The following KIN variants were observed in gnomAD, a reference collection of about 807,000 sequenced individuals.
KIN encodes the protein Kin17 DNA and RNA binding protein.
Under a neutral mutation model 63.0 loss-of-function variants are expected in KIN, and 47 were observed. The ratio of observed to expected loss-of-function variants is 0.75; its 90% CI spans 0.59 to 0.95. KIN has a LOEUF of 0.95. Ranked by LOEUF, KIN falls within the 40% of genes least tolerant of loss-of-function variation. The pLI is 0.00. For synonymous variants in KIN, 160 were observed against 157.7 expected, an observed-to-expected ratio of 1.01 and a Z score of -0.11; for missense variants, 408 against 460.9, an observed-to-expected ratio of 0.89 and a Z score of 1.05.
intron 12 of KIN, among the ~76,000 whole-genome samples, chr10:7,756,668 C>G (rs934894673): frequency 6.6e-6 from 1 of 152,118 alleles, no homozygotes. Flanking sequence ...TCAAAAATAC[C>G]CATTTGGGGT....
intron 8 of KIN, among the ~76,000 whole-genome samples, chr10:7,766,638 C>A (rs978565228): frequency 6.6e-6 from 1 of 151,850 alleles, no homozygotes; most frequent in African/African-American, 2.4e-5. Context: ...GCGAAAATAT[C>A]GAATCTTTTT....
chr10:7,776,560 G>A (rs575805811), intron 5 of KIN, among the ~76,000 whole-genome samples: 6 of 150,652 alleles, frequency 4.0e-5, no homozygotes, highest in South Asian at 4.2e-4. Context: ...GTGAAACCCC[G>A]TCTCTACTAA....
intron 1 of KIN, among the ~76,000 whole-genome samples, chr10:7,784,644 C>T (rs1484704897): frequency 6.6e-6 from 1 of 151,926 alleles, no homozygotes; most frequent in Non-Finnish European, 1.5e-5. Flanking sequence ...TGAGCAAAAG[C>T]TCATTTGTAC....
intron 1 of KIN, among the ~76,000 whole-genome samples, chr10:7,784,322 C>G (rs1213034632): frequency 6.6e-6 from 1 of 152,192 alleles, no homozygotes; most frequent in Non-Finnish European, 1.5e-5. Context: ...GTGGCTCATG[C>G]CTGTAATCCC....
intron 8 of KIN, among the ~76,000 whole-genome samples, chr10:7,767,617 G>T (rs1316966473): frequency 1.3e-5 from 2 of 152,130 alleles, no homozygotes; most frequent in East Asian, 1.9e-4. Context: ...CAGGACTTTG[G>T]GAGGCCGAAG....
chr10:7,757,995 CA>C (rs1247432206), intron 12 of KIN, among the ~76,000 whole-genome samples: 1 of 137,958 alleles, frequency 7.2e-6, no homozygotes, highest in Admixed American at 7.6e-5. Flanking sequence ...AGTGATGACA[CA>C]AGCATATACA....
At chr10:7,760,696 GTTA>G (rs1423302849) in intron 11 of KIN, among the ~76,000 whole-genome samples, 3 of 152,072 alleles carry the variant, frequency 2.0e-5, no homozygotes, top group Non-Finnish European at 2.9e-5. Flanking sequence ...TTTATTATTA[GTTA>G]TTATTCTCAA....
intron 12 of KIN, among the ~76,000 whole-genome samples, chr10:7,758,339 G>A (rs1320498015): frequency 6.6e-6 from 1 of 152,108 alleles, no homozygotes; most frequent in Non-Finnish European, 1.5e-5. Flanking sequence ...CAAAGTGCTG[G>A]AATTACAGGC....
intron 4 of KIN, 23 bp from the exon 5 acceptor site, chr10:7,779,042 T>C (rs1305970099): frequency 6.3e-7 from 1 of 1,597,834 alleles, no homozygotes; most frequent in South Asian, 1.1e-5. Context: ...GCCACTGCCA[T>C]AAATTAGCAT....
At position 7,774,842 on chromosome 10, in the gene KIN, A is replaced by G; in HGVS notation, c.657T>C (p.Ser219=). The change falls in exon 7 of 13, where the codon TCT becomes TCC. Residue 219 remains serine (S), a synonymous_variant. Transcript: ENST00000379562. Reference sequence around the variant, plus strand: ...ATGATGCAGCTCACCTTGACTTGGAAGATGTTGCTCCGGATGAGCTACATG... The same window carrying G: ...ATGATGCAGCTCACCTTGACTTGGAGGATGTTGCTCCGGATGAGCTACATG... ...KGACSSSGAT[S]SKSSTLGPSA... is the part of the protein sequence containing the mutation. 6.2e-7 allele frequency: 1 copy of G among 1,612,976 alleles called. No individual in the cohort carries two copies. Among genetic ancestry groups the G allele is most frequent in the Non-Finnish European group, 8.5e-7 (1 of 1,179,030 alleles).
In KIN at chr10:7,753,876, A is replaced by G. The variant is rs1835280913; in HGVS notation, c.*2204T>C. 3.2e-6 allele frequency: 1 copy of G among 315,352 alleles called. No individual in the cohort carries two copies. Among genetic ancestry groups the G allele is most frequent in the Admixed American group, 4.1e-5 (1 of 24,674 alleles). The allele number at this position is 315,352 out of a possible 1,614,324, so 19.5% of individuals were successfully genotyped here. A position where few individuals can be genotyped will look rare whatever the true frequency, so the allele number is the denominator to read the frequency against. ...TTCTGCTAACAGCATACGTTCTCCC[A>G]TCTTCTGAGAATAGAAGCAATCAGC... On this transcript the variant is annotated 3_prime_UTR_variant, in exon 13 of 13. Coordinates refer to ENST00000379562, the MANE Select transcript of KIN (RefSeq NM_012311.4).
At chr10:7,762,376 T>C (rs1835452211) in intron 11 of KIN, 81 bp downstream of exon 11, 3 of 714,322 alleles carry the variant, frequency 4.2e-6, no homozygotes, top group East Asian at 5.6e-5. Context: ...AACCAACAAG[T>C]ACTGTCAAAA....
intron 1 of KIN, among the ~76,000 whole-genome samples, chr10:7,786,150 G>A (rs767416631): frequency 6.6e-5 from 10 of 152,122 alleles, no homozygotes; most frequent in Non-Finnish European, 1.0e-4. Context: ...AGAGGGGAGC[G>A]GAGGTCCTAA....
chr10:7,758,015 T>TA (rs1226769731), intron 12 of KIN, among the ~76,000 whole-genome samples: 1 of 151,236 alleles, frequency 6.6e-6, no homozygotes, highest in African/African-American at 2.4e-5. Context: ...CAGAGATTTT[T>TA]TTTTTTTTTT....
At chr10:7,784,744 G>A (rs1165821804) in intron 1 of KIN, among the ~76,000 whole-genome samples, 1 of 152,084 alleles carries the variant, frequency 6.6e-6, no homozygotes, top group African/African-American at 2.4e-5. Flanking sequence ...CTCAGGCAAG[G>A]ATGCTAAAAC....
At chr10:7,772,374 G>A (rs538050609) in intron 7 of KIN, among the ~76,000 whole-genome samples, 1 of 152,134 alleles carries the variant, frequency 6.6e-6, no homozygotes, top group Non-Finnish European at 1.5e-5. Flanking sequence ...GGAAAGTAAG[G>A]TTCCTTGAAC....
At chr10:7,773,740 AAAC>A (rs35347634) in intron 7 of KIN, among the ~76,000 whole-genome samples, 2,343 of 152,358 alleles carry the variant, frequency 0.015, 26 homozygotes, top group South Asian at 0.03. Context: ...GATCTTAAAA[AAAC>A]AACATGTAAA....
rs1835326922 is a variant in KIN at position 7,756,064 on chromosome 10, TAAC to T, written c.*13_*15del. On this transcript the variant is annotated 3_prime_UTR_variant, in exon 13 of 13. Transcript: ENST00000379562. ...ATGCTTTAAGATTTTAATGTATTGTTAACAAATTTTCAAACTCAGGCAAGTTTA... is the reference window on the plus strand; with the variant it reads ...ATGCTTTAAGATTTTAATGTATTGTTAAATTTTCAAACTCAGGCAAGTTTA... 1 of 1,525,160 alleles carries T rather than the reference TAAC, an allele frequency of 6.6e-7. No individual in the cohort carries two copies. Among genetic ancestry groups the T allele is most frequent in the Non-Finnish European group, 9.0e-7 (1 of 1,112,244 alleles). 94.5% of individuals were successfully genotyped at this position (1,525,160 alleles called of 1,614,324 possible).
chr10:7,775,772 T>A lies in KIN; in HGVS notation c.586A>T (p.Arg196Ter). Residue 196 changes from arginine (R) to a stop codon, truncating the protein, a stop_gained, in exon 6 of 13, where the codon AGA (arginine) becomes TGA (stop). Transcript: ENST00000379562. LOFTEE classifies it high-confidence loss of function. Reference protein sequence around the residue: ...QEVPTFTELSRENDEEKVTFN... With the variant: ...QEVPTFTELS ...CTACCTTTCTCTTCATCATTTTCTC[T>A]GCTTAATTCCGTAAAAGTAGGGACC... The A allele has an allele frequency of 6.4e-7, 1 of 1,550,852 alleles. No individual in the cohort carries two copies. The highest frequency in any genetic ancestry group is 8.7e-7 in the Non-Finnish European group (1 of 1,143,060).
Sources: gnomAD v4.1 joint callset for allele counts (sites outside exome capture counted in the v4.1 genomes callset) on GRCh38, gnomAD v4.1.1 for gene constraint, MANE v1.5 for transcripts, NCBI Gene and HGNC (gene_info 2026-07-23, HGNC 2026-07-21) for gene names.